CLASP1: variants seen among roughly 807,000 people sequenced by gnomAD.
The protein encoded by CLASP1 is CLIP-associating protein 1.
Under a neutral mutation model 192.3 loss-of-function variants are expected in CLASP1, and 38 were observed. The observed-to-expected ratio is 0.20, with a 90% CI of 0.15 to 0.26. The LOEUF (loss-of-function observed/expected upper bound fraction) is 0.26. Ranked by LOEUF, CLASP1 falls within the 10% of genes least tolerant of loss-of-function variation. The probability of loss-of-function intolerance (pLI) is 1.00; values close to 1 mark genes in which losing one functional copy is unlikely to be tolerated. For missense variants in CLASP1, 1,433 were observed against 1,932.5 expected, an observed-to-expected ratio of 0.74 and a Z score of 4.85; for synonymous variants, 691 against 712.8, an observed-to-expected ratio of 0.97 and a Z score of 0.49.
chr2:121,440,390 A>G (rs1467792959), intron 19 of CLASP1, among the ~76,000 whole-genome samples: 1 of 152,200 alleles, frequency 6.6e-6, no homozygotes, highest in Non-Finnish European at 1.5e-5. Context: ...TAATTAGGGG[A>G]AAAAAGTTTC....
intron 34 of CLASP1, among the ~76,000 whole-genome samples, chr2:121,374,334 G>A (rs952249489): frequency 3.3e-5 from 5 of 152,234 alleles, no homozygotes; most frequent in Non-Finnish European, 7.3e-5. Flanking sequence ...GATTTTAGAG[G>A]ATGTATGAAA....
At chr2:121,478,750 ACCACACACACAC>A in intron 8 of CLASP1, among the ~76,000 whole-genome samples, 1 of 59,488 alleles carries the variant, frequency 1.7e-5, no homozygotes, top group Non-Finnish European at 3.3e-5. Flanking sequence ...CCCCACACAC[ACCACACACACAC>A]CACACACCCC....
At chr2:121,607,955 A>G (rs1473663051) in intron 1 of CLASP1, among the ~76,000 whole-genome samples, 1 of 152,200 alleles carries the variant, frequency 6.6e-6, no homozygotes, top group Non-Finnish European at 1.5e-5. Context: ...CCCATCTTCT[A>G]CTTTACTGCT....
chr2:121,373,587 G>C (rs2069249890), intron 34 of CLASP1, among the ~76,000 whole-genome samples: 1 of 152,216 alleles, frequency 6.6e-6, no homozygotes, highest in South Asian at 2.1e-4. Context: ...GAATAGTTGT[G>C]ACCAAAATGC....
chr2:121,438,441 C>A (rs991261525), intron 19 of CLASP1, among the ~76,000 whole-genome samples: 3 of 152,190 alleles, frequency 2.0e-5, no homozygotes, highest in Non-Finnish European at 4.4e-5. Context: ...CACCTGTCCA[C>A]CTTGTCATGG....
rs2071869244 is a variant in CLASP1 at position 121,640,630 on chromosome 2, C to T, written c.-286+8742G>A. On this transcript the variant is annotated intron_variant, in intron 1 of 39. Transcript: ENST00000263710. ...GATGCTGCCAGATAGTGGCAGCATACCTTTCCCCAAGGCAGCCCACTGACC... is the reference window on the plus strand; with the variant it reads ...GATGCTGCCAGATAGTGGCAGCATATCTTTCCCCAAGGCAGCCCACTGACC... Among the ~76,000 whole-genome samples the T allele has an allele frequency of 2.0e-5, 3 of 151,924 alleles. No homozygotes were observed. The South Asian group carries it at 6.2e-4, about 32-fold the overall frequency.
chr2:121,632,984 G>A (rs201590043), intron 1 of CLASP1, among the ~76,000 whole-genome samples: 2 of 136,712 alleles, frequency 1.5e-5, no homozygotes, highest in South Asian at 2.5e-4. Context: ...GTGTGTGTGT[G>A]TGTATATATA....
At chr2:121,499,154 CA>C (rs1351762858) in intron 8 of CLASP1, among the ~76,000 whole-genome samples, 2 of 152,048 alleles carry the variant, frequency 1.3e-5, no homozygotes, top group South Asian at 2.1e-4. Context: ...TCACAATGGC[CA>C]AAAAGTGGAA....
intron 8 of CLASP1, among the ~76,000 whole-genome samples, chr2:121,497,413 G>T (rs1477713930): frequency 6.6e-6 from 1 of 152,136 alleles, no homozygotes; most frequent in East Asian, 1.9e-4. Context: ...TTTGGTTTTA[G>T]ATACATGTTT....
chr2:121,381,943 A>G (rs1183123206), intron 33 of CLASP1, among the ~76,000 whole-genome samples: 1 of 152,152 alleles, frequency 6.6e-6, no homozygotes, highest in African/African-American at 2.4e-5. Context: ...CTGTACAGAA[A>G]GGCCCACAAT....
intron 34 of CLASP1, among the ~76,000 whole-genome samples, chr2:121,375,613 C>T (rs528081458): frequency 7.9e-5 from 12 of 152,192 alleles, no homozygotes; most frequent in Non-Finnish European, 1.0e-4. Context: ...CCACCCGCCT[C>T]GGCCTCCCAA....
At chr2:121,633,997 CAA>C (rs558556369) in intron 1 of CLASP1, among the ~76,000 whole-genome samples, 10 of 93,040 alleles carry the variant, frequency 1.1e-4, no homozygotes, top group East Asian at 3.0e-4. Context: ...GACTCCGTCT[CAA>C]AAAAAAAAAA....
At chr2:121,631,179 A>AG (rs1358981209) in intron 1 of CLASP1, among the ~76,000 whole-genome samples, 1 of 150,564 alleles carries the variant, frequency 6.6e-6, no homozygotes, top group East Asian at 1.9e-4. Context: ...AAAAAAAAAA[A>AG]AAAGAAATGA....
At chr2:121,386,262 T>C (rs1315996371) in intron 32 of CLASP1, among the ~76,000 whole-genome samples, 2 of 152,232 alleles carry the variant, frequency 1.3e-5, no homozygotes, top group African/African-American at 4.8e-5. Context: ...CATTTCATTT[T>C]AAGATCCTGG....
intron 37 of CLASP1, among the ~76,000 whole-genome samples, chr2:121,362,695 A>G (rs1201150124): frequency 6.6e-6 from 1 of 152,208 alleles, no homozygotes; most frequent in Non-Finnish European, 1.5e-5. Context: ...AACTTTGTGA[A>G]AATATCCATT....
At chr2:121,601,311 C>T (rs1193431671) in intron 2 of CLASP1, among the ~76,000 whole-genome samples, 3 of 145,270 alleles carry the variant, frequency 2.1e-5, no homozygotes, top group African/African-American at 7.7e-5. Context: ...CTTGCTCTGT[C>T]GCCCAGGCTG....
At chr2:121,630,425 C>CACAT (rs59539743) in intron 1 of CLASP1, among the ~76,000 whole-genome samples, 1 of 140,734 alleles carries the variant, frequency 7.1e-6, no homozygotes, top group African/African-American at 2.6e-5. Context: ...CACACACACA[C>CACAT]GCAGAAGCAA....
chr2:121,461,201 CA>C lies in CLASP1; in HGVS notation c.940-9del. ...GTCTCGGCTGGAATAAATCTGTAAG[CA>C]AAATTAATTTACAATCAATATAAAA... On this transcript the variant is annotated splice_polypyrimidine_tract_variant and intron_variant, in intron 10 of 39. Transcript: ENST00000263710. 1 of 1,494,312 alleles carries C rather than the reference CA, an allele frequency of 6.7e-7. No homozygotes were observed. The highest frequency in any genetic ancestry group is 9.2e-7 in the Non-Finnish European group (1 of 1,090,548). The allele number at this position is 1,494,312 out of a possible 1,614,324, so 92.6% of individuals were successfully genotyped here.
exon 40 of CLASP1, chr2:121,338,193 G>A (rs1392723568): frequency 6.6e-6 from 1 of 152,236 alleles, no homozygotes; most frequent in African/African-American, 2.4e-5. Context: ...AAAGACTGAT[G>A]AGACAAAGTC....
Sources: gnomAD v4.1 joint callset for allele counts (sites outside exome capture counted in the v4.1 genomes callset) on GRCh38, gnomAD v4.1.1 for gene constraint, MANE v1.5 for transcripts, NCBI Gene and HGNC (gene_info 2026-07-23, HGNC 2026-07-21) for gene names.